Variants in SGCZ observed in about 807,000 individuals in gnomAD.
SGCZ encodes the protein sarcoglycan zeta, also known as zeta-sarcoglycan.
Under a neutral mutation model 41.3 loss-of-function variants are expected in SGCZ, and 40 were observed. That is an observed-to-expected ratio of 0.97 (90% CI 0.75 to 1.26). The LOEUF is 1.26. Among genes scored for constraint, SGCZ ranks in the 50% most tolerant of loss-of-function variants. SGCZ has a pLI of 0.00. For synonymous variants in SGCZ, 206 were observed against 137.5 expected, an observed-to-expected ratio of 1.50 and a Z score of -3.49; for missense variants, 552 against 369.8, an observed-to-expected ratio of 1.49 and a Z score of -4.04.
intron 1 of SGCZ, among the ~76,000 whole-genome samples, chr8:14,869,391 C>T (rs1804060276): frequency 6.6e-6 from 1 of 152,136 alleles, no homozygotes; most frequent in Non-Finnish European, 1.5e-5. Context: ...TTCAACACCG[C>T]TTCATGCTAA....
At chr8:14,891,881 C>A (rs1585354383) in intron 1 of SGCZ, among the ~76,000 whole-genome samples, 3 of 152,198 alleles carry the variant, frequency 2.0e-5, no homozygotes, top group African/African-American at 7.2e-5. Flanking sequence ...TTACAGCTCA[C>A]TGAAGGCTCA....
intron 1 of SGCZ, among the ~76,000 whole-genome samples, chr8:14,676,664 A>G (rs1191360760): frequency 6.6e-6 from 1 of 152,234 alleles, no homozygotes; most frequent in Non-Finnish European, 1.5e-5. Flanking sequence ...AGATATGCAA[A>G]GAAGTGGAAA....
intron 2 of SGCZ, among the ~76,000 whole-genome samples, chr8:14,541,494 T>C (rs1369803573): frequency 2.0e-5 from 3 of 152,158 alleles, no homozygotes; most frequent in East Asian, 1.9e-4. Context: ...TATGGCTGCA[T>C]AGTATTCCAT....
chr8:14,950,268 A>C (rs1196202676), intron 1 of SGCZ, among the ~76,000 whole-genome samples: 1 of 152,066 alleles, frequency 6.6e-6, no homozygotes, highest in African/African-American at 2.4e-5. Flanking sequence ...GGAACAAACC[A>C]AATGATGAAG....
At chr8:15,221,769 C>G (rs1043415186) in intron 1 of SGCZ, among the ~76,000 whole-genome samples, 4 of 152,132 alleles carry the variant, frequency 2.6e-5, no homozygotes, top group African/African-American at 7.2e-5. Flanking sequence ...CTCATCTTTG[C>G]ACAAGTAACT....
chr8:14,389,252 A>G (rs1010722344), intron 2 of SGCZ, among the ~76,000 whole-genome samples: 1 of 151,982 alleles, frequency 6.6e-6, no homozygotes, highest in East Asian at 1.9e-4. Context: ...TGAGAGTATA[A>G]TTTGAAAAGT....
intron 1 of SGCZ, among the ~76,000 whole-genome samples, chr8:14,837,440 C>T (rs1802738044): frequency 6.6e-6 from 1 of 152,182 alleles, no homozygotes; most frequent in Admixed American, 6.5e-5. Flanking sequence ...TGTACTCCTC[C>T]TTCCAGAGTG....
chr8:14,825,030 C>A (rs1274171561), intron 1 of SGCZ, among the ~76,000 whole-genome samples: 1 of 152,132 alleles, frequency 6.6e-6, no homozygotes, highest in East Asian at 1.9e-4. Context: ...GTTTCCCACA[C>A]TATACTAAAC....
intron 4 of SGCZ, among the ~76,000 whole-genome samples, chr8:14,222,792 ATTTTTTTTTTTTTTTTTTTTTTTT>A (rs775444301): frequency 2.0e-5 from 1 of 48,854 alleles, no homozygotes; most frequent in South Asian, 1.2e-3. Flanking sequence ...AGTCACAGTG[ATTTTTTTTTTTTTTTTTTTTTTTT>A]TTTTTTTTTT....
At chr8:14,562,742 T>C (rs566275653) in intron 1 of SGCZ, among the ~76,000 whole-genome samples, 28 of 152,266 alleles carry the variant, frequency 1.8e-4, no homozygotes, top group African/African-American at 6.7e-4. Context: ...TGTAGATGAG[T>C]GTCTGGGGGT....
At position 14,264,431 on chromosome 8, in the gene SGCZ, T is replaced by C. The variant is rs533665301; in HGVS notation, c.337-26752A>G. Among the ~76,000 whole-genome samples, 3 of 152,068 alleles carry C rather than the reference T, an allele frequency of 2.0e-5. No homozygotes were observed. The South Asian group carries it at 6.2e-4, about 32-fold the overall frequency. The stretch of plus-strand genomic sequence containing the variant: ...GATCTTCCTCAGCCTCAGACAGAAA[T>C]CCATGGACCCACATGCCAGATTTCC... On this transcript the variant is annotated intron_variant, in intron 3 of 7. Transcript: ENST00000382080.
chr8:14,495,952 C>A (rs1357667078), intron 2 of SGCZ, among the ~76,000 whole-genome samples: 2 of 152,004 alleles, frequency 1.3e-5, no homozygotes, highest in Non-Finnish European at 2.9e-5. Context: ...GAAGAACAAG[C>A]CTGAAATGTA....
At chr8:15,208,508 T>C (rs1472072789) in intron 1 of SGCZ, among the ~76,000 whole-genome samples, 1 of 152,168 alleles carries the variant, frequency 6.6e-6, no homozygotes, top group African/African-American at 2.4e-5. Context: ...AACACAGTAT[T>C]ACAAAAATAG....
chr8:15,121,153 C>A (rs1352849226), intron 1 of SGCZ, among the ~76,000 whole-genome samples: 1 of 152,162 alleles, frequency 6.6e-6, no homozygotes, highest in African/African-American at 2.4e-5. Context: ...TTCCATCTTA[C>A]CCTTCTTTGG....
At chr8:14,485,132 T>A (rs1424705542) in intron 2 of SGCZ, among the ~76,000 whole-genome samples, 1 of 152,232 alleles carries the variant, frequency 6.6e-6, no homozygotes, top group African/African-American at 2.4e-5. Context: ...ATCTTCTTGT[T>A]ACTTGTTTCA....
chr8:14,386,660 A>G (rs531296581), intron 2 of SGCZ, among the ~76,000 whole-genome samples: 2 of 152,314 alleles, frequency 1.3e-5, no homozygotes, highest in Non-Finnish European at 2.9e-5. Flanking sequence ...ATTTTGTTCA[A>G]AAGCAATTAT....
intron 2 of SGCZ, among the ~76,000 whole-genome samples, chr8:14,548,048 T>C (rs1269922728): frequency 6.6e-6 from 1 of 152,188 alleles, no homozygotes; most frequent in African/African-American, 2.4e-5. Flanking sequence ...TATATGTTGT[T>C]AATTAATTGT....
At chr8:15,124,921 TATG>T (rs1452897866) in intron 1 of SGCZ, among the ~76,000 whole-genome samples, 10 of 152,186 alleles carry the variant, frequency 6.6e-5, no homozygotes, top group South Asian at 2.1e-4. Flanking sequence ...TTTTATTTCA[TATG>T]ATAATACATT....
intron 1 of SGCZ, among the ~76,000 whole-genome samples, chr8:14,845,615 A>C (rs1585313034): frequency 6.6e-6 from 1 of 152,326 alleles, no homozygotes; most frequent in Non-Finnish European, 1.5e-5. Flanking sequence ...ATGTTGTAAA[A>C]TTTATGTAGA....
Sources: gnomAD v4.1 joint callset for allele counts (sites outside exome capture counted in the v4.1 genomes callset) on GRCh38, gnomAD v4.1.1 for gene constraint, MANE v1.5 for transcripts, NCBI Gene and HGNC (gene_info 2026-07-23, HGNC 2026-07-21) for gene names.